TESK2: variants seen among roughly 807,000 people sequenced by gnomAD.
TESK2 encodes testis associated actin remodelling kinase 2, also known as dual specificity testis-specific protein kinase 2.
A neutral mutation model predicts 57.1 loss-of-function variants in TESK2; 39 were observed. That is an observed-to-expected ratio of 0.68 (90% CI 0.53 to 0.89). TESK2 has a LOEUF of 0.89. TESK2 is among the 40% of genes least tolerant of loss of function. The pLI, the probability that TESK2 is intolerant of heterozygous loss-of-function variation, is 0.00. For synonymous variants in TESK2, 249 were observed against 267.9 expected (o/e 0.93, Z 0.69); for missense variants, 646 against 732.1 (o/e 0.88, Z 1.36).
intron 1 of TESK2, among the ~76,000 whole-genome samples, chr1:45,486,024 C>T (rs1053013222): frequency 6.6e-6 from 1 of 152,154 alleles, no homozygotes; most frequent in South Asian, 2.1e-4. Context: ...TATCACACTG[C>T]CTTTTGGAAA....
At chr1:45,392,368 G>A (rs1038708218) in intron 3 of TESK2, among the ~76,000 whole-genome samples, 2 of 152,174 alleles carry the variant, frequency 1.3e-5, no homozygotes, top group Non-Finnish European at 2.9e-5. Context: ...GCCTCCCAAA[G>A]TGCTGGGATT....
intron 4 of TESK2, among the ~76,000 whole-genome samples, chr1:45,371,892 G>T (rs1227833535): frequency 6.6e-6 from 1 of 151,538 alleles, no homozygotes; most frequent in Admixed American, 6.6e-5. Flanking sequence ...TAGAATGGTT[G>T]TTACCAGGAG....
At chr1:45,419,761 G>A (rs143019520) in intron 3 of TESK2, among the ~76,000 whole-genome samples, 2,231 of 152,120 alleles carry the variant, frequency 0.015, 31 homozygotes, top group Non-Finnish European at 0.025. Flanking sequence ...AGCTGAGATC[G>A]AGCCATTGCA....
chr1:45,381,474 C>T (rs528395851), intron 4 of TESK2, among the ~76,000 whole-genome samples: 1 of 152,272 alleles, frequency 6.6e-6, no homozygotes, highest in South Asian at 2.1e-4. Flanking sequence ...CATATTCTTG[C>T]TATTCTGGTA....
intron 2 of TESK2, among the ~76,000 whole-genome samples, chr1:45,439,295 G>A (rs1293247914): frequency 2.0e-5 from 3 of 152,130 alleles, no homozygotes; most frequent in Non-Finnish European, 4.4e-5. Context: ...GTATCAAGCA[G>A]ATGGCAGATA....
rs116862256 is a variant in TESK2, at chr1:45,420,745, C to T, written c.344+980G>A. Among the ~76,000 whole-genome samples, 533 of 151,106 alleles carry T rather than the reference C, an allele frequency of 3.5e-3. 7 individuals carry two copies. The highest frequency in any genetic ancestry group is 0.032 in the East Asian group (160 of 5,072). On this transcript the variant is annotated intron_variant, in intron 3 of 10. Transcript: ENST00000372086. Reference sequence around the variant, plus strand: ...GACTATAGGCACGTGCCACCACGCCCGGCTAACTGTTTTTTTGTATTTTTA... The same window carrying T: ...GACTATAGGCACGTGCCACCACGCCTGGCTAACTGTTTTTTTGTATTTTTA...
Position 45,347,838 on chromosome 1 carries a change from C to T in TESK2, c.623+80G>A, listed in dbSNP as rs1434420248. ...AGGTTGAGCTGTGACCAAGTCCTGG[C>T]CTCTGGGGAGGAGGCTAGAATTTTC... On this transcript the variant is annotated intron_variant, in intron 6 of 10. Transcript: ENST00000372086. 7 of 1,449,424 alleles carry T rather than the reference C, an allele frequency of 4.8e-6. No homozygotes were observed. The East Asian group carries it at 1.4e-4, about 28-fold the overall frequency. The allele number at this position is 1,449,424 out of a possible 1,614,324, so 89.8% of individuals were successfully genotyped here. A position where few individuals can be genotyped will look rare whatever the true frequency, so the allele number is the denominator to read the frequency against.
intron 1 of TESK2, among the ~76,000 whole-genome samples, chr1:45,464,607 G>T (rs1042193539): frequency 2.6e-5 from 4 of 152,088 alleles, no homozygotes; most frequent in Non-Finnish European, 4.4e-5. Flanking sequence ...TACTGATTTT[G>T]TATCCTACAA....
At chr1:45,437,661 G>A (rs1651286690) in intron 2 of TESK2, among the ~76,000 whole-genome samples, 1 of 152,118 alleles carries the variant, frequency 6.6e-6, no homozygotes, top group African/African-American at 2.4e-5. Context: ...TTCCCTATCA[G>A]TATGCTATTA....
In TESK2 at chr1:45,430,660, T is replaced by C. The variant is rs189792569; in HGVS notation, c.223-8814A>G. 3.9e-4 allele frequency among the ~76,000 whole-genome samples: 60 copies of C among 152,330 alleles called. 1 individual carries two copies. The highest frequency in any genetic ancestry group is 1.4e-3 in the African/African-American group (57 of 41,566). On this transcript the variant is annotated intron_variant, in intron 2 of 10. Transcript: ENST00000372086. Reference sequence around the variant, plus strand: ...TGAGACAGCTAGGGTTAGTTTGTACTGTAGCATGGCACATGACTTTTGGGT... The same window carrying C: ...TGAGACAGCTAGGGTTAGTTTGTACCGTAGCATGGCACATGACTTTTGGGT...
At chr1:45,411,350 T>C (rs2149283602) in intron 3 of TESK2, among the ~76,000 whole-genome samples, 1 of 152,216 alleles carries the variant, frequency 6.6e-6, no homozygotes, top group South Asian at 2.1e-4. Flanking sequence ...GGTGGAGGGA[T>C]GGTTTTGGGA....
chr1:45,388,723 T>TTC (rs1553148154), intron 3 of TESK2, among the ~76,000 whole-genome samples: 1 of 146,312 alleles, frequency 6.8e-6, no homozygotes, highest in Admixed American at 6.8e-5. Context: ...ACGGCTTTTT[T>TTC]TTTTTTTTTT....
At chr1:45,408,109 T>C (rs1557561473) in intron 3 of TESK2, among the ~76,000 whole-genome samples, 1 of 152,176 alleles carries the variant, frequency 6.6e-6, no homozygotes, top group East Asian at 1.9e-4. Context: ...TTTTTATTTT[T>C]ATTAGGGTGT....
rs76085285 is a variant in TESK2, at chr1:45,411,203, AT to A, written c.344+10521del. ...GAACCTAAGACTGGTTTTCTGAGAG[AT>A]TTTTTTCAGACCAACCCCACCCAGA... On this transcript the variant is annotated intron_variant, in intron 3 of 10. Coordinates refer to ENST00000372086, the MANE Select transcript of TESK2 (RefSeq NM_007170.3). 3.5e-3 allele frequency among the ~76,000 whole-genome samples: 527 copies of A among 152,032 alleles called. 7 individuals are homozygous for A. The highest frequency in any genetic ancestry group is 0.031 in the East Asian group (161 of 5,172).
At chr1:45,380,666 G>C (rs1488252636) in intron 4 of TESK2, among the ~76,000 whole-genome samples, 1 of 152,096 alleles carries the variant, frequency 6.6e-6, no homozygotes, top group Non-Finnish European at 1.5e-5. Flanking sequence ...AAAGAATAAG[G>C]TCTCTGGACA....
chr1:45,346,985 G>A lies in TESK2; in HGVS notation c.786C>T (p.Arg262=), dbSNP rs1244188364. 6.2e-7 allele frequency: 1 copy of A among 1,614,052 alleles called. No individual in the cohort carries two copies. The highest frequency in any genetic ancestry group is 8.5e-7 in the Non-Finnish European group (1 of 1,180,012). The part of the protein sequence containing the change: ...RIQADPDYLP[R]TENFGLDYDA... ...CCCCATGCTTGCAGCTCACCTCTGTGCGGGGAAGATAGTCCGGATCGGCCT... is the reference window on the plus strand; with the variant it reads ...CCCCATGCTTGCAGCTCACCTCTGTACGGGGAAGATAGTCCGGATCGGCCT... Residue 262 remains arginine, a synonymous_variant, in exon 8 of 11, where the codon CGC becomes CGT. Coordinates refer to ENST00000372086, the MANE Select transcript of TESK2 (RefSeq NM_007170.3).
chr1:45,450,767 CTTTT>C (rs143079900), intron 2 of TESK2, among the ~76,000 whole-genome samples: 1 of 150,692 alleles, frequency 6.6e-6, no homozygotes, highest in African/African-American at 2.4e-5. Flanking sequence ...ATTTCTTTTT[CTTTT>C]TTTTTAAATT....
intron 4 of TESK2, among the ~76,000 whole-genome samples, chr1:45,360,669 A>G (rs933452319): frequency 6.6e-6 from 1 of 152,180 alleles, no homozygotes; most frequent in African/African-American, 2.4e-5. Flanking sequence ...AACAAATGGA[A>G]TTTGCTTTTA....
At chr1:45,413,555 A>G (rs1650118343) in intron 3 of TESK2, among the ~76,000 whole-genome samples, 1 of 152,108 alleles carries the variant, frequency 6.6e-6, no homozygotes, top group African/African-American at 2.4e-5. Context: ...TAACAGAAGA[A>G]TTTTCAACTC....
Sources: gnomAD v4.1 joint callset for allele counts (sites outside exome capture counted in the v4.1 genomes callset) on GRCh38, gnomAD v4.1.1 for gene constraint, MANE v1.5 for transcripts, NCBI Gene and HGNC (gene_info 2026-07-23, HGNC 2026-07-21) for gene names.